The following CEP112 variants were observed in gnomAD, a reference collection of about 807,000 sequenced individuals.
CEP112 encodes the protein centrosomal protein of 112 kDa.
A neutral mutation model predicts 153.0 loss-of-function variants in CEP112; 127 were observed. The observed-to-expected ratio is 0.83, with a 90% CI of 0.72 to 0.96. CEP112 has a LOEUF of 0.96. Ranked by LOEUF, CEP112 falls within the 40% of genes least tolerant of loss-of-function variation. The probability of loss-of-function intolerance (pLI) is 0.00; values close to 1 mark genes in which losing one functional copy is unlikely to be tolerated. For synonymous variants in CEP112, 358 were observed against 374.4 expected (o/e 0.96, Z 0.51); for missense variants, 1,089 against 1,101.2 (o/e 0.99, Z 0.16).
chr17:65,766,505 C>G (rs1451465644), intron 21 of CEP112, among the ~76,000 whole-genome samples: 1 of 151,902 alleles, frequency 6.6e-6, no homozygotes, highest in East Asian at 1.9e-4. Context: ...AACCAGGAGA[C>G]AATAAACAGC....
At chr17:65,843,113 G>C (rs1321291150) in intron 21 of CEP112, among the ~76,000 whole-genome samples, 1 of 152,040 alleles carries the variant, frequency 6.6e-6, no homozygotes, top group Non-Finnish European at 1.5e-5. Context: ...TACAATTTAG[G>C]TCATTCAAAA....
At chr17:65,977,822 C>A (rs1294645400) in intron 17 of CEP112, among the ~76,000 whole-genome samples, 2 of 152,162 alleles carry the variant, frequency 1.3e-5, no homozygotes, top group East Asian at 3.8e-4. Flanking sequence ...CACCTGTAAT[C>A]CCAGCACTTT....
At chr17:65,735,155 A>C (rs939365859) in intron 23 of CEP112, among the ~76,000 whole-genome samples, 1 of 152,032 alleles carries the variant, frequency 6.6e-6, no homozygotes, top group Admixed American at 6.6e-5. Context: ...CCAAAATTCT[A>C]ATTTTGGCTT....
At chr17:65,949,276 C>T (rs1359022494) in intron 18 of CEP112, among the ~76,000 whole-genome samples, 1 of 152,226 alleles carries the variant, frequency 6.6e-6, no homozygotes, top group Admixed American at 6.5e-5. Context: ...TGTTACTACA[C>T]TCACACCAAA....
intron 20 of CEP112, among the ~76,000 whole-genome samples, chr17:65,883,349 T>G (rs1478441651): frequency 6.6e-6 from 1 of 151,840 alleles, no homozygotes; most frequent in Non-Finnish European, 1.5e-5. Flanking sequence ...TGTATATGTG[T>G]GTGTATACAC....
At chr17:65,870,285 A>G (rs2058631512) in intron 20 of CEP112, among the ~76,000 whole-genome samples, 2 of 152,150 alleles carry the variant, frequency 1.3e-5, no homozygotes, top group Admixed American at 1.3e-4. Flanking sequence ...TTTTATTTTA[A>G]AAGAACTAGC....
At position 66,029,997 on chromosome 17, in the gene CEP112, G is replaced by A. The variant is rs772513477; in HGVS notation, c.1245C>T (p.Ala415=). 10 of 1,613,506 alleles carry A rather than the reference G, an allele frequency of 6.2e-6. No individual in the cohort carries two copies. The Admixed American group carries it at 1.5e-4, about 24-fold the overall frequency. Residue 415 remains alanine, a synonymous_variant, in exon 13 of 27, where the codon GCC becomes GCT. Transcript: ENST00000535342. ...CTTCTCCAGTCAGCTGCTGGACACG[G>A]GCCTCCAGTTCTTTGATCATGTGGT... ...STNHMIKELE[A]RVQQLTGEAE...
Position 65,667,275 on chromosome 17 carries a change from C to A in CEP112, c.2697+21854G>T, listed in dbSNP as rs149148314. Among the ~76,000 whole-genome samples the A allele has an allele frequency of 6.0e-3, 915 of 152,244 alleles. 3 individuals carry two copies. The highest frequency in any genetic ancestry group is 0.01 in the Middle Eastern group (3 of 294). On this transcript the variant is annotated intron_variant, in intron 24 of 26. Coordinates refer to ENST00000535342, the MANE Select transcript of CEP112 (RefSeq NM_001199165.4). ...CCTTAACACATGATTTAAATCTGATCTGACAGTACTTAAACCCAGAACTCC... is the reference window on the plus strand; with the variant it reads ...CCTTAACACATGATTTAAATCTGATATGACAGTACTTAAACCCAGAACTCC...
rs563713672 is a variant in CEP112 at position 66,018,995 on chromosome 17, G to C, written c.1656+8506C>G. Among the ~76,000 whole-genome samples the C allele has an allele frequency of 6.6e-5, 10 of 152,190 alleles. No individual in the cohort carries two copies. The South Asian group carries it at 1.9e-3, about 28-fold the overall frequency. ...AACCATTTCCTGATTTAACAGATGA[G>C]GACAATTCATCAACAATGACATTTC... On this transcript the variant is annotated intron_variant, in intron 16 of 26. Coordinates refer to ENST00000535342, the MANE Select transcript of CEP112 (RefSeq NM_001199165.4).
At chr17:65,733,249 T>C (rs535658181) in intron 23 of CEP112, among the ~76,000 whole-genome samples, 1 of 152,212 alleles carries the variant, frequency 6.6e-6, no homozygotes, top group Non-Finnish European at 1.5e-5. Context: ...ACAACACTTA[T>C]TGTTTGTTGT....
intron 12 of CEP112, among the ~76,000 whole-genome samples, chr17:66,049,969 C>G (rs1292202273): frequency 6.6e-6 from 1 of 151,710 alleles, no homozygotes; most frequent in East Asian, 2.0e-4. Context: ...AGGGATAGAT[C>G]TTTTCAAAGA....
chr17:66,062,219 A>G (rs2066949292), intron 11 of CEP112, among the ~76,000 whole-genome samples: 1 of 151,020 alleles, frequency 6.6e-6, no homozygotes, highest in African/African-American at 2.5e-5. Context: ...ACTAATACAT[A>G]GTGGACAATG....
chr17:66,144,476 T>C (rs1267344764), intron 4 of CEP112, among the ~76,000 whole-genome samples: 1 of 152,148 alleles, frequency 6.6e-6, no homozygotes, highest in Non-Finnish European at 1.5e-5. Context: ...GCAGATCACC[T>C]GAGGTCAAGA....
intron 16 of CEP112, among the ~76,000 whole-genome samples, chr17:66,011,467 A>C (rs1428844789): frequency 6.6e-6 from 1 of 152,132 alleles, no homozygotes; most frequent in Non-Finnish European, 1.5e-5. Context: ...CCTAAATTGC[A>C]TTATTTACCC....
intron 23 of CEP112, among the ~76,000 whole-genome samples, chr17:65,738,269 A>G (rs2050919234): frequency 6.6e-6 from 1 of 152,188 alleles, no homozygotes; most frequent in Non-Finnish European, 1.5e-5. Flanking sequence ...TGAATATCAT[A>G]AACCCGGACA....
chr17:65,980,926 G>A (rs942717895), intron 17 of CEP112, among the ~76,000 whole-genome samples: 4 of 151,790 alleles, frequency 2.6e-5, no homozygotes, highest in Admixed American at 1.3e-4. Context: ...TACAGGTGCC[G>A]GCCACCACAC....
chr17:65,663,502 T>C (rs1315369515), intron 24 of CEP112, among the ~76,000 whole-genome samples: 2 of 152,124 alleles, frequency 1.3e-5, no homozygotes, highest in Non-Finnish European at 2.9e-5. Flanking sequence ...CAGTAGAAGG[T>C]AGGAGCTCCC....
intron 16 of CEP112, among the ~76,000 whole-genome samples, chr17:66,023,121 CAA>C (rs1476428926): frequency 6.6e-6 from 1 of 152,006 alleles, no homozygotes; most frequent in East Asian, 1.9e-4. Context: ...GAAGAAAAAG[CAA>C]AAAGTTTAGA....
Position 66,183,499 on chromosome 17 carries a change from T to C in CEP112, c.-8-192A>G, listed in dbSNP as rs115997839. 2.6e-3 allele frequency among the ~76,000 whole-genome samples: 393 copies of C among 152,234 alleles called. 1 individual carries two copies. The highest frequency in any genetic ancestry group is 9.1e-3 in the African/African-American group (380 of 41,532). On this transcript the variant is annotated intron_variant, in intron 1 of 26. Transcript: ENST00000535342. ...GATAAGCTTAATTCTAAAATTTACA[T>C]GAAAAAGTAAAGGAACTAAAGAGCC... is the stretch of plus-strand genomic sequence containing the variant.
Sources: gnomAD v4.1 joint callset for allele counts (sites outside exome capture counted in the v4.1 genomes callset) on GRCh38, gnomAD v4.1.1 for gene constraint, MANE v1.5 for transcripts, NCBI Gene and HGNC (gene_info 2026-07-23, HGNC 2026-07-21) for gene names.